CLIC5: variants seen among roughly 807,000 people sequenced by gnomAD.
The protein encoded by CLIC5 is chloride intracellular channel protein 5.
CLIC5 carries 20 observed loss-of-function variants against 24.7 expected under a neutral mutation model. The ratio of observed to expected loss-of-function variants is 0.81; its 90% CI spans 0.57 to 1.18. The LOEUF (loss-of-function observed/expected upper bound fraction) is 1.18. Among genes scored for constraint, CLIC5 ranks in the 50% most tolerant of loss-of-function variants. The pLI is 0.00. For missense variants in CLIC5, 341 were observed against 326.1 expected (o/e 1.05, Z -0.35); for synonymous variants, 159 against 135.6 (o/e 1.17, Z -1.20).
At chr6:46,040,473 C>T (rs1432630591) in intron 1 of CLIC5, among the ~76,000 whole-genome samples, 2 of 151,626 alleles carry the variant, frequency 1.3e-5, no homozygotes, top group Admixed American at 6.6e-5. Flanking sequence ...AAAGTAATGG[C>T]GCTGGCATTG....
At chr6:46,109,188 CT>C in the CLIC5 span, among the ~76,000 whole-genome samples, 1 of 152,012 alleles carries the variant, frequency 6.6e-6, no homozygotes, top group Non-Finnish European at 1.5e-5. Context: ...GACAATTATT[CT>C]TTTACTTTTT....
Position 46,080,006 on chromosome 6 carries a change from T to A in CLIC5, c.237A>T (p.Arg79Ser), listed in dbSNP as rs41271277. ...ATATCTCATCAGGCAGGAGGTAGCC[T>A]CTGTCTTCTGACTGGACAGAGGCCA... Residue 79 changes from arginine to serine, a missense_variant, in exon 1 of 6, where the codon AGA (arginine) becomes AGT (serine). Transcript: ENST00000185206. 5,576 of 1,551,702 alleles carry A rather than the reference T, an allele frequency of 3.6e-3. 16 individuals are homozygous for A. The highest frequency in any genetic ancestry group is 4.4e-3 in the Non-Finnish European group (5,005 of 1,146,988).
intron 2 of CLIC5, among the ~76,000 whole-genome samples, chr6:45,952,759 T>C (rs1266964320): frequency 6.6e-6 from 1 of 152,158 alleles, no homozygotes; most frequent in African/African-American, 2.4e-5. Flanking sequence ...CCAAACCATC[T>C]GAAGCACGCG....
At chr6:45,934,723 C>T (rs1763868565) in intron 4 of CLIC5, among the ~76,000 whole-genome samples, 1 of 152,230 alleles carries the variant, frequency 6.6e-6, no homozygotes, top group Admixed American at 6.5e-5. Context: ...GGCATGCCTA[C>T]TTCCTCTCCA....
chr6:46,029,171 A>G (rs925557367), intron 1 of CLIC5, among the ~76,000 whole-genome samples: 2 of 152,200 alleles, frequency 1.3e-5, no homozygotes, highest in African/African-American at 2.4e-5. Flanking sequence ...AGCAATGAGC[A>G]CAGTGCCTTA....
chr6:45,918,173 C>A (rs1488210954), intron 4 of CLIC5, among the ~76,000 whole-genome samples: 1 of 152,148 alleles, frequency 6.6e-6, no homozygotes, highest in Non-Finnish European at 1.5e-5. Flanking sequence ...CATATGCAAA[C>A]AATCTTAGAT....
chr6:46,068,796 T>G (rs1476293507), intron 1 of CLIC5, among the ~76,000 whole-genome samples: 3 of 152,080 alleles, frequency 2.0e-5, no homozygotes, highest in Non-Finnish European at 4.4e-5. Context: ...AAGAAGATGG[T>G]GATCTACAAG....
chr6:46,091,316 T>G, the CLIC5 span, among the ~76,000 whole-genome samples: 38 of 152,354 alleles, frequency 2.5e-4, no homozygotes, highest in Admixed American at 4.6e-4. Flanking sequence ...TTTCACTGTT[T>G]TACACTCCAC....
chr6:46,065,601 C>A (rs952662816), intron 1 of CLIC5, among the ~76,000 whole-genome samples: 1 of 152,148 alleles, frequency 6.6e-6, no homozygotes, highest in African/African-American at 2.4e-5. Context: ...AAAAAGGGAC[C>A]AACTGCTGAT....
intron 2 of CLIC5, among the ~76,000 whole-genome samples, chr6:45,952,581 T>C (rs1764508971): frequency 6.6e-6 from 1 of 152,158 alleles, no homozygotes; most frequent in African/African-American, 2.4e-5. Context: ...GTCACTAAAG[T>C]GTAGTGCCAG....
At chr6:46,081,234 C>T (rs1762914496), upstream of CLIC5, among the ~76,000 whole-genome samples, 1 of 152,160 alleles carries the variant, frequency 6.6e-6, no homozygotes, top group Non-Finnish European at 1.5e-5. Flanking sequence ...TGTGTGCCCC[C>T]CAAATTCTTT....
At chr6:46,026,106 T>C (rs1012152470) in intron 1 of CLIC5, among the ~76,000 whole-genome samples, 1 of 152,182 alleles carries the variant, frequency 6.6e-6, no homozygotes, top group Non-Finnish European at 1.5e-5. Flanking sequence ...ATGAGCTCTT[T>C]GAGCAACATA....
At chr6:46,122,694 A>G in the CLIC5 span, among the ~76,000 whole-genome samples, 3 of 152,312 alleles carry the variant, frequency 2.0e-5, no homozygotes, top group Admixed American at 6.5e-5. Flanking sequence ...CAAGACTAAT[A>G]AAGAAGAAAA....
At chr6:46,063,566 G>A (rs1268651986) in intron 1 of CLIC5, among the ~76,000 whole-genome samples, 3 of 152,174 alleles carry the variant, frequency 2.0e-5, no homozygotes, top group African/African-American at 7.2e-5. Flanking sequence ...AGCTTAGAGA[G>A]CACTCTTGAG....
chr6:46,070,261 T>A (rs1008178516), intron 1 of CLIC5, among the ~76,000 whole-genome samples: 1 of 152,122 alleles, frequency 6.6e-6, no homozygotes, highest in Admixed American at 6.6e-5. Context: ...GGCATCCAAA[T>A]AGGTACAGAG....
intron 1 of CLIC5, among the ~76,000 whole-genome samples, chr6:46,062,502 G>A (rs894276129): frequency 2.0e-5 from 3 of 152,208 alleles, no homozygotes; most frequent in African/African-American, 7.2e-5. Flanking sequence ...GACAGGCCCT[G>A]CCCTTCTGCT....
chr6:46,015,332 G>A (rs1766961389), intron 1 of CLIC5, 148 bp downstream of exon 1: 1 of 706,778 alleles, frequency 1.4e-6, no homozygotes, highest in Non-Finnish European at 2.0e-6. Flanking sequence ...CTCGCAGCGG[G>A]GCGCTGGCCT....
At chr6:46,019,721 A>ACC (rs199568265), upstream of CLIC5, among the ~76,000 whole-genome samples, 457 of 148,126 alleles carry the variant, frequency 3.1e-3, 13 homozygotes, top group East Asian at 0.074. Context: ...AAGAAAGCTA[A>ACC]CCTCTAAATT....
rs540469552 is a variant in CLIC5, at chr6:46,047,536, T to C, written c.540+32167A>G. 4.6e-5 allele frequency among the ~76,000 whole-genome samples: 7 copies of C among 152,346 alleles called. No homozygotes were observed. In the East Asian group the frequency reaches 1.4e-3, roughly 29 times the overall value. ...AAACAGAGGATCTAGTTTTCACCAA[T>C]GCCTAGTCAAAACAGAAATTCTCTC... On this transcript the variant is annotated intron_variant, in intron 1 of 5. Transcript: ENST00000185206.
Sources: gnomAD v4.1 joint callset for allele counts (sites outside exome capture counted in the v4.1 genomes callset) on GRCh38, gnomAD v4.1.1 for gene constraint, MANE v1.5 for transcripts, NCBI Gene and HGNC (gene_info 2026-07-23, HGNC 2026-07-21) for gene names.